Variants in AADAC observed in about 807,000 individuals in gnomAD.
AADAC encodes the protein arylacetamide deacetylase (esterase).
In AADAC, 17 loss-of-function variants were observed where a neutral mutation model predicts 22.7. That is an observed-to-expected ratio of 0.75 (90% CI 0.51 to 1.12). AADAC has a LOEUF of 1.12. Among genes scored for constraint, AADAC ranks in the 50% most tolerant of loss-of-function variants. The pLI, the probability that AADAC is intolerant of heterozygous loss-of-function variation, is 0.00. For missense variants in AADAC, 465 were observed against 473.9 expected (o/e 0.98, Z 0.17); for synonymous variants, 167 against 176.3 (o/e 0.95, Z 0.42).
Position 151,824,214 on chromosome 3 carries a change from A to C in AADAC, c.432-449A>C, listed in dbSNP as rs1418621848. Reference sequence around the variant, plus strand: ...ATTTCACTTAGCCCATCAACATGTTAATGGGTAAATGATTTGTGGTATATT... The same window carrying C: ...ATTTCACTTAGCCCATCAACATGTTCATGGGTAAATGATTTGTGGTATATT... On this transcript the variant is annotated intron_variant, in intron 3 of 4. Coordinates refer to ENST00000232892, the MANE Select transcript of AADAC (RefSeq NM_001086.3). Among the ~76,000 whole-genome samples the C allele has an allele frequency of 3.3e-5, 5 of 152,016 alleles. No individual in the cohort carries two copies. The East Asian group carries it at 9.6e-4, about 29-fold the overall frequency.
At chr3:151,826,988 C>T (rs2108036622) in intron 4 of AADAC, among the ~76,000 whole-genome samples, 1 of 151,996 alleles carries the variant, frequency 6.6e-6, no homozygotes, top group Admixed American at 6.6e-5. Flanking sequence ...TTTCTCAGCT[C>T]ACTGCAACCT....
At chr3:151,821,158 T>G (rs1467698534) in intron 3 of AADAC, among the ~76,000 whole-genome samples, 1 of 151,956 alleles carries the variant, frequency 6.6e-6, no homozygotes, top group Non-Finnish European at 1.5e-5. Flanking sequence ...AGATGGTCAC[T>G]GTGAAGAGTA....
chr3:151,827,446 C>G (rs1004161753), intron 4 of AADAC, 130 bp from the exon 5 acceptor site: 1 of 482,682 alleles, frequency 2.1e-6, no homozygotes, highest in Non-Finnish European at 3.4e-6. Flanking sequence ...TCATTTATTA[C>G]TTAAGTCTTT....
At chr3:151,817,232 C>G (rs953107104) in intron 1 of AADAC, 134 bp from the exon 2 acceptor site, 6 of 738,122 alleles carry the variant, frequency 8.1e-6, no homozygotes, top group Non-Finnish European at 1.3e-5. Context: ...TTAAAAGGAC[C>G]AAGCAGGATT....
intron 4 of AADAC, 135 bp downstream of exon 4, chr3:151,824,969 G>T (rs1211094354): frequency 1.1e-5 from 7 of 614,162 alleles, no homozygotes; most frequent in East Asian, 3.4e-5. Context: ...AACTATTAAA[G>T]AGAATATTGA....
chr3:151,818,444 G>C (rs1716094555), intron 2 of AADAC, among the ~76,000 whole-genome samples: 1 of 152,004 alleles, frequency 6.6e-6, no homozygotes, highest in Non-Finnish European at 1.5e-5. Flanking sequence ...AGAACTACTT[G>C]TGGATCAGGC....
intron 3 of AADAC, 68 bp downstream of exon 3, chr3:151,820,520 T>C (rs1012043176): frequency 3.5e-5 from 35 of 993,978 alleles, no homozygotes; most frequent in African/African-American, 2.1e-4. Flanking sequence ...AGCTTTCTTT[T>C]TTTTTTTTTT....
chr3:151,816,448 C>T (rs192703081), intron 1 of AADAC, among the ~76,000 whole-genome samples: 9 of 152,178 alleles, frequency 5.9e-5, no homozygotes, highest in Admixed American at 4.6e-4. Flanking sequence ...TTGTACAGAG[C>T]TCTGTAATAG....
chr3:151,820,299 G>A, intron 2 of AADAC, 84 bp from the exon 3 acceptor site: 2 of 912,842 alleles, frequency 2.2e-6, no homozygotes, highest in African/African-American at 1.7e-5. Flanking sequence ...CGTGAAAGAA[G>A]TGCAGCAGGA....
chr3:151,828,269 T>C lies in AADAC; in HGVS notation c.*97T>C, dbSNP rs1013896919. The stretch of plus-strand genomic sequence containing the variant: ...TCTTTCTTAGAATGGTCTAGTTAAG[T>C]TCCACATGTAGCATAATTCTTAAAT... On this transcript the variant is annotated 3_prime_UTR_variant, in exon 5 of 5. Coordinates refer to ENST00000232892, the MANE Select transcript of AADAC (RefSeq NM_001086.3). The C allele has an allele frequency of 1.5e-6, 1 of 662,468 alleles. No homozygotes were observed. The highest frequency in any genetic ancestry group is 2.3e-6 in the Non-Finnish European group (1 of 435,134). The allele number at this position is 662,468 out of a possible 1,614,324, so 41.0% of individuals were successfully genotyped here.
rs1204580717 is a variant in AADAC, at chr3:151,824,828, T to C, written c.597T>C (p.Thr199=). ...SAGGNLAAAV[T]QQLLDDPDVK... is the part of the protein sequence containing the mutation. ...GAGGGAATTTAGCTGCAGCAGTGAC[T>C]CAACAGGTATGTTCATAATTTCTAT... The change falls in exon 4 of 5, where the codon ACT becomes ACC. Residue 199 remains threonine (T), a synonymous_variant. Transcript: ENST00000232892. 6.4e-7 allele frequency: 1 copy of C among 1,570,626 alleles called. No individual in the cohort carries two copies. Among genetic ancestry groups the C allele is most frequent in the Non-Finnish European group, 8.6e-7 (1 of 1,160,722 alleles).
chr3:151,815,553 T>C (rs1520137), intron 1 of AADAC, among the ~76,000 whole-genome samples: 75,115 of 151,538 alleles, frequency 0.5, 19,023 homozygotes, highest in Middle Eastern at 0.54. Flanking sequence ...TCATATTTGC[T>C]GTCTGTGCTA....
chr3:151,828,307 G>GT lies in AADAC; in HGVS notation c.*145dup, dbSNP rs796279750. 14,989 of 383,842 alleles carry GT rather than the reference G, an allele frequency of 0.039. 10 individuals carry two copies. The highest frequency in any genetic ancestry group is 0.055 in the Middle Eastern group (75 of 1,368). 23.8% of individuals were successfully genotyped at this position (383,842 alleles called of 1,614,324 possible). A position where few individuals can be genotyped will look rare whatever the true frequency, so the allele number is the denominator to read the frequency against. On this transcript the variant is annotated 3_prime_UTR_variant, in exon 5 of 5. Coordinates refer to ENST00000232892, the MANE Select transcript of AADAC (RefSeq NM_001086.3). ...ATAATTCTTAAATAGGCACTTTTCTGTTTTTTTTTTCTTACTGTGGGATTT... is the reference window on the plus strand; with the variant it reads ...ATAATTCTTAAATAGGCACTTTTCTGTTTTTTTTTTTCTTACTGTGGGATTT...
chr3:151,814,290 T>C lies in AADAC; in HGVS notation c.128T>C (p.Ile43Thr). The C allele has an allele frequency of 1.2e-6, 2 of 1,611,032 alleles. No individual in the cohort carries two copies. The highest frequency in any genetic ancestry group is 1.7e-5 in the Admixed American group (1 of 59,232). The change falls in exon 1 of 5, where the codon ATA (isoleucine) becomes ACA (threonine). Residue 43 changes from isoleucine (I) to threonine (T), a missense_variant. By Grantham distance (89) the Ile-to-Thr change is moderately conservative (BLOSUM62 -1). Transcript: ENST00000232892. ...TGGATAAACGCACATCTGAAAACTA[T>C]ACAAAATTTGGTAAGTTTGGAATTT... is the stretch of plus-strand genomic sequence containing the variant. ...MMWINAHLKT[I>T]QNLATFVELL...
Position 151,828,210 on chromosome 3 carries a change from C to G in AADAC, c.*38C>G, listed in dbSNP as rs768497038. 1.9e-5 allele frequency: 25 copies of G among 1,299,558 alleles called. 1 individual carries two copies. In the African/African-American group the frequency reaches 3.0e-4, roughly 16 times the overall value. The allele number at this position is 1,299,558 out of a possible 1,614,324, so 80.5% of individuals were successfully genotyped here. A position where few individuals can be genotyped will look rare whatever the true frequency, so the allele number is the denominator to read the frequency against. The stretch of plus-strand genomic sequence containing the variant: ...CTATAACATATTTTAAAAATAAAAT[C>G]TGAAAACCTCAGAAAATTTGCATTA... On this transcript the variant is annotated 3_prime_UTR_variant, in exon 5 of 5. Transcript: ENST00000232892.
chr3:151,817,461 T>A lies in AADAC; in HGVS notation c.234T>A (p.Asn78Lys). The A allele has an allele frequency of 6.2e-7, 1 of 1,613,752 alleles. No individual in the cohort carries two copies. Among genetic ancestry groups the A allele is most frequent in the Non-Finnish European group, 8.5e-7 (1 of 1,179,732 alleles). The change falls in exon 2 of 5, where the codon AAT becomes AAA. Residue 78 changes from asparagine to lysine, a missense_variant. Coordinates refer to ENST00000232892, the MANE Select transcript of AADAC (RefSeq NM_001086.3). The part of the protein sequence containing the change: ...FDEVPPTSDE[N>K]VTVTETKFNN... Reference sequence around the variant, plus strand: ...AAGTCCCACCAACCTCAGATGAAAATGTCACTGTGACTGAGACAAAATTCA... The same window carrying A: ...AAGTCCCACCAACCTCAGATGAAAAAGTCACTGTGACTGAGACAAAATTCA...
chr3:151,827,909 G>C lies in AADAC; in HGVS notation c.937G>C (p.Gly313Arg). The part of the protein sequence containing the change: ...GSSELAKKYP[G>R]FLDVRAAPLL... Reference sequence around the variant, plus strand: ...TTCTGAGCTGGCTAAAAAATATCCAGGGTTCCTAGATGTGAGGGCAGCCCC... The same window carrying C: ...TTCTGAGCTGGCTAAAAAATATCCACGGTTCCTAGATGTGAGGGCAGCCCC... The change falls in exon 5 of 5, where the codon GGG becomes CGG. Residue 313 changes from glycine to arginine, a missense_variant. Gly to Arg is a moderately radical substitution (Grantham distance 125, BLOSUM62 -2). Transcript: ENST00000232892. The C allele has an allele frequency of 6.2e-7, 1 of 1,611,654 alleles. No individual in the cohort carries two copies. The highest frequency in any genetic ancestry group is 8.5e-7 in the Non-Finnish European group (1 of 1,178,832).
In AADAC at chr3:151,824,648, G is replaced by A; in HGVS notation, c.432-15G>A. 1 of 1,489,732 alleles carries A rather than the reference G, an allele frequency of 6.7e-7. No individual in the cohort carries two copies. Among genetic ancestry groups the A allele is most frequent in the South Asian group, 1.5e-5 (1 of 68,458 alleles). The allele number at this position is 1,489,732 out of a possible 1,614,324, so 92.3% of individuals were successfully genotyped here. ...ACAAACAAAAAAATGTGTAAACTAT[G>A]TTTTCTCTCTACAGCTACAGATTAG... On this transcript the variant is annotated splice_polypyrimidine_tract_variant and intron_variant, in intron 3 of 4. Transcript: ENST00000232892.
In AADAC at chr3:151,827,923, G is replaced by C. The variant is rs1019038147; in HGVS notation, c.951G>C (p.Val317=). ...AAAAATATCCAGGGTTCCTAGATGT[G>C]AGGGCAGCCCCTTTGTTGGCTGATG... ...LAKKYPGFLD[V]RAAPLLADDN... The change falls in exon 5 of 5, where the codon GTG becomes GTC. Residue 317 remains valine (V), a synonymous_variant. Coordinates refer to ENST00000232892, the MANE Select transcript of AADAC (RefSeq NM_001086.3). 2 of 1,611,564 alleles carry C rather than the reference G, an allele frequency of 1.2e-6. No individual in the cohort carries two copies. Among genetic ancestry groups the C allele is most frequent in the African/African-American group, 2.7e-5 (2 of 74,804 alleles).
Sources: allele counts gnomAD v4.1 joint callset (sites outside exome capture counted in the v4.1 genomes callset), GRCh38; gene constraint gnomAD v4.1.1; transcripts MANE v1.5; gene names NCBI Gene and HGNC (gene_info 2026-07-23, HGNC 2026-07-21).